Variants in GAK observed in about 807,000 individuals in gnomAD.
GAK encodes cyclin G associated kinase, also known as cyclin-G-associated kinase.
GAK carries 79 observed loss-of-function variants against 143.9 expected under a neutral mutation model. The ratio of observed to expected loss-of-function variants is 0.55; its 90% CI spans 0.46 to 0.66. The LOEUF (loss-of-function observed/expected upper bound fraction) is 0.66. GAK is among the 30% of genes least tolerant of loss of function. GAK has a pLI of 0.00. For missense variants in GAK, 1,693 were observed against 1,779.7 expected (o/e 0.95, Z 0.88); for synonymous variants, 881 against 765.5 (o/e 1.15, Z -2.49).
chr4:865,245 C>T lies in GAK; in HGVS notation c.3044-1G>A, dbSNP rs776910495. The T allele has an allele frequency of 1.2e-6, 2 of 1,613,324 alleles. No homozygotes were observed. Among genetic ancestry groups the T allele is most frequent in the Non-Finnish European group, 1.7e-6 (2 of 1,179,862 alleles). On this transcript the variant is annotated splice_acceptor_variant, in intron 22 of 27. Transcript: ENST00000314167. LOFTEE classifies it high-confidence loss of function. ...TTGCTGGGCTCTCCTGGCAGATCCC[C>T]TGGGAAGAAGGAACCAGAAGAGAGC...
Position 870,920 on chromosome 4 carries a change from G to C in GAK, c.2055-16C>G. 6.3e-7 allele frequency: 1 copy of C among 1,598,610 alleles called. No individual in the cohort carries two copies. Among genetic ancestry groups the C allele is most frequent in the Non-Finnish European group, 8.5e-7 (1 of 1,171,460 alleles). ...CAGGTCATACCTGCGGTTACAAGTA[G>C]ACACCACTTAGGAAGGCCACCCAAG... On this transcript the variant is annotated splice_polypyrimidine_tract_variant and intron_variant, in intron 18 of 27. Transcript: ENST00000314167.
At chr4:877,510 C>T (rs1329251061) in intron 16 of GAK, 105 bp downstream of exon 16, 26 of 1,206,830 alleles carry the variant, frequency 2.2e-5, no homozygotes, top group Admixed American at 1.1e-4. Flanking sequence ...CAAACACGTC[C>T]GCCTCAGCAA....
intron 23 of GAK, among the ~76,000 whole-genome samples, chr4:860,134 T>TA (rs1425344575): frequency 1.3e-5 from 2 of 151,872 alleles, no homozygotes; most frequent in African/African-American, 2.4e-5. Flanking sequence ...CTACAAAAAA[T>TA]AAAAAAATCA....
intron 18 of GAK, among the ~76,000 whole-genome samples, chr4:873,182 C>T (rs957404241): frequency 5.9e-5 from 9 of 152,228 alleles, no homozygotes; most frequent in African/African-American, 2.2e-4. Flanking sequence ...TTTGAAGTTA[C>T]ACATTTCCTC....
At chr4:924,667 C>G (rs1195293552) in intron 1 of GAK, among the ~76,000 whole-genome samples, 1 of 152,158 alleles carries the variant, frequency 6.6e-6, no homozygotes, top group Non-Finnish European at 1.5e-5. Flanking sequence ...GAGGAGGGGC[C>G]TGGTGGGAGG....
At chr4:905,765 C>T (rs574991123) in intron 4 of GAK, among the ~76,000 whole-genome samples, 24 of 152,356 alleles carry the variant, frequency 1.6e-4, no homozygotes, top group South Asian at 8.3e-4. Flanking sequence ...TTACTGCAGA[C>T]GCCACCACAC....
Position 901,817 on chromosome 4 carries a change from G to C in GAK, c.525+2820C>G, listed in dbSNP as rs558801358. Reference sequence around the variant, plus strand: ...TCCACAAGCCGTGGCCAGAGGCGCCGCTCCCGATTAGCGAGGTCTGAGAGA... The same window carrying C: ...TCCACAAGCCGTGGCCAGAGGCGCCCCTCCCGATTAGCGAGGTCTGAGAGA... On this transcript the variant is annotated intron_variant, in intron 5 of 27. Transcript: ENST00000314167. Among the ~76,000 whole-genome samples the C allele has an allele frequency of 5.9e-5, 9 of 152,358 alleles. 1 individual carries two copies. In the South Asian group the frequency reaches 1.9e-3, roughly 32 times the overall value.
At chr4:884,258 T>C in intron 11 of GAK, 172 bp from the exon 12 acceptor site, 1 of 604,764 alleles carries the variant, frequency 1.7e-6, no homozygotes, top group Non-Finnish European at 2.9e-6. Context: ...CCCGGCTGTG[T>C]GCGTGCTGTG....
chr4:876,382 A>G (rs1006914493), intron 18 of GAK, 148 bp downstream of exon 18: 9 of 675,062 alleles, frequency 1.3e-5, no homozygotes, highest in Admixed American at 2.3e-5. Context: ...GCGCAGCTCC[A>G]GGATGGCCCA....
chr4:903,207 G>A (rs1720286853), intron 5 of GAK, among the ~76,000 whole-genome samples: 1 of 152,162 alleles, frequency 6.6e-6, no homozygotes, highest in African/African-American at 2.4e-5. Flanking sequence ...GCATCTGTGT[G>A]GCAGTGTGGT....
At chr4:894,948 C>G (rs1433631370) in intron 7 of GAK, 4 of 151,990 alleles carry the variant, frequency 2.6e-5, no homozygotes, top group Non-Finnish European at 5.9e-5. Context: ...CCACTGCCCT[C>G]CAGCCTAGCA....
chr4:878,821 G>A (rs921569382), intron 15 of GAK, among the ~76,000 whole-genome samples: 2 of 152,124 alleles, frequency 1.3e-5, no homozygotes, highest in East Asian at 1.9e-4. Flanking sequence ...CTCCCACCTC[G>A]TGGCACCCAT....
rs1476600970 is a variant in GAK, at chr4:850,014, G to A, written c.3712C>T (p.Leu1238=). The A allele has an allele frequency of 6.8e-6, 11 of 1,607,060 alleles. No individual in the cohort carries two copies. The highest frequency in any genetic ancestry group is 8.5e-6 in the Non-Finnish European group (10 of 1,176,228). Residue 1238 remains leucine (L), a synonymous_variant, in exon 27 of 28, where the codon CTG becomes TTG. Coordinates refer to ENST00000314167, the MANE Select transcript of GAK (RefSeq NM_005255.4). ...TCCCCGTCCCACAGCACTGTGTGCA[G>A]CGTGGACAGCAGGGCCCGGATGTTC... is the stretch of plus-strand genomic sequence containing the variant. ...ERNIRALLST[L]HTVLWDGESR... is the part of the protein sequence containing the mutation.
At chr4:907,216 A>ACAGCC (rs1250298854) in intron 4 of GAK, among the ~76,000 whole-genome samples, 1 of 152,188 alleles carries the variant, frequency 6.6e-6, no homozygotes, top group African/African-American at 2.4e-5. Flanking sequence ...TGTCCCCAGC[A>ACAGCC]CAGCCCAGCA....
intron 4 of GAK, among the ~76,000 whole-genome samples, chr4:905,736 C>T (rs543091384): frequency 1.4e-4 from 22 of 152,240 alleles, no homozygotes; most frequent in East Asian, 9.7e-4. Context: ...CTACGGACTC[C>T]GCCACACCCC....
At chr4:919,348 C>T (rs1226079596) in intron 1 of GAK, among the ~76,000 whole-genome samples, 1 of 149,084 alleles carries the variant, frequency 6.7e-6, no homozygotes, top group African/African-American at 2.5e-5. Flanking sequence ...GGACAGAAGG[C>T]TCCAAGGGCC....
chr4:858,552 A>C (rs1187069476), intron 24 of GAK, among the ~76,000 whole-genome samples: 1 of 152,260 alleles, frequency 6.6e-6, no homozygotes, highest in East Asian at 1.9e-4. Flanking sequence ...AAAGGGAAAT[A>C]AAATACAAAA....
At position 890,517 on chromosome 4, in the gene GAK, G is replaced by A. The variant is rs1717419608; in HGVS notation, c.1081+15C>T. On this transcript the variant is annotated intron_variant, in intron 10 of 27. Coordinates refer to ENST00000314167, the MANE Select transcript of GAK (RefSeq NM_005255.4). The stretch of plus-strand genomic sequence containing the variant: ...GAGCGAGGGACAGGTGGCGGGCACA[G>A]GACAGGGCACTCACCTCCACTGTAG... 11 of 1,594,248 alleles carry A rather than the reference G, an allele frequency of 6.9e-6. No individual in the cohort carries two copies. In the Middle Eastern group the frequency reaches 1.8e-3, roughly 257 times the overall value.
intron 23 of GAK, among the ~76,000 whole-genome samples, chr4:864,276 G>A (rs909206812): frequency 6.6e-6 from 1 of 152,146 alleles, no homozygotes; most frequent in African/African-American, 2.4e-5. Context: ...TGGGAGGATC[G>A]CTTGAGCCCA....
Sources: allele counts gnomAD v4.1 joint callset (sites outside exome capture counted in the v4.1 genomes callset), GRCh38; gene constraint gnomAD v4.1.1; transcripts MANE v1.5; gene names NCBI Gene and HGNC (gene_info 2026-07-23, HGNC 2026-07-21).